The following SNTG2 variants were observed in gnomAD, a reference collection of about 807,000 sequenced individuals.
The protein encoded by SNTG2 is syntrophin gamma 2, also known as gamma-2-syntrophin.
In SNTG2, 74 loss-of-function variants were observed where a neutral mutation model predicts 70.9. The ratio of observed to expected loss-of-function variants is 1.04; its 90% CI spans 0.86 to 1.27. The LOEUF (loss-of-function observed/expected upper bound fraction) is 1.27. SNTG2 is among the 50% of genes most tolerant of loss of function. The pLI is 0.00. For synonymous variants in SNTG2, 278 were observed against 273.8 expected, an observed-to-expected ratio of 1.02 and a Z score of -0.15; for missense variants, 717 against 690.7, an observed-to-expected ratio of 1.04 and a Z score of -0.43.
intron 1 of SNTG2, among the ~76,000 whole-genome samples, chr2:1,057,212 G>A (rs1182818421): frequency 6.6e-6 from 1 of 152,080 alleles, no homozygotes. Flanking sequence ...AAAAGACTGT[G>A]TTAATATTTG....
intron 4 of SNTG2, among the ~76,000 whole-genome samples, chr2:1,137,413 C>A (rs577824154): frequency 6.6e-6 from 1 of 152,048 alleles, no homozygotes; most frequent in South Asian, 2.1e-4. Flanking sequence ...CCATGCATGC[C>A]ACCCACACCC....
At chr2:1,172,133 G>A (rs1314417673) in intron 7 of SNTG2, among the ~76,000 whole-genome samples, 1 of 152,186 alleles carries the variant, frequency 6.6e-6, no homozygotes, top group East Asian at 1.9e-4. Context: ...GCACCATGTG[G>A]TTGTGATGAT....
At chr2:1,021,160 A>G (rs1660149612) in intron 1 of SNTG2, among the ~76,000 whole-genome samples, 1 of 152,064 alleles carries the variant, frequency 6.6e-6, no homozygotes, top group African/African-American at 2.4e-5. Flanking sequence ...TCTTCCTCTC[A>G]CTTGCTTTCT....
At chr2:1,203,704 GTGTGTGTGTA>G (rs1673449002) in intron 8 of SNTG2, among the ~76,000 whole-genome samples, 1 of 150,248 alleles carries the variant, frequency 6.7e-6, no homozygotes, top group Non-Finnish European at 1.5e-5. Flanking sequence ...GTGTGTGTGT[GTGTGTGTGTA>G]TGTGTGTATA....
intron 11 of SNTG2, among the ~76,000 whole-genome samples, chr2:1,240,420 T>G (rs918403956): frequency 6.6e-6 from 1 of 152,252 alleles, no homozygotes; most frequent in Non-Finnish European, 1.5e-5. Flanking sequence ...CAAATCAGTT[T>G]TTAAGCCACT....
chr2:1,037,080 C>G (rs1014181286), intron 1 of SNTG2, among the ~76,000 whole-genome samples: 1 of 152,330 alleles, frequency 6.6e-6, no homozygotes, highest in Middle Eastern at 3.4e-3. Context: ...AAGTAGAAAC[C>G]CACCAAGTCT....
chr2:1,109,631 C>T (rs565792895), intron 4 of SNTG2, among the ~76,000 whole-genome samples: 10 of 152,278 alleles, frequency 6.6e-5, no homozygotes, highest in Non-Finnish European at 1.3e-4. Flanking sequence ...ATTTTTCCCT[C>T]GAAATCCAGT....
intron 1 of SNTG2, among the ~76,000 whole-genome samples, chr2:994,381 G>A (rs1377429379): frequency 6.6e-6 from 1 of 151,960 alleles, no homozygotes; most frequent in Non-Finnish European, 1.5e-5. Context: ...TTTTTATAAA[G>A]CTATGTTAAT....
rs117036364 is a variant in SNTG2, at chr2:1,114,155, G to T, written c.325+15745G>T. Among the ~76,000 whole-genome samples the T allele has an allele frequency of 3.3e-3, 366 of 109,732 alleles. 11 individuals are homozygous for T. In the East Asian group the frequency reaches 0.074, roughly 22 times the overall value. The allele number at this position is 109,732 out of a possible 152,430, so 72.0% of individuals were successfully genotyped here. On this transcript the variant is annotated intron_variant, in intron 4 of 16. Transcript: ENST00000308624. ...GTACTAAGTGAGGTTTAACCCTTAC[G>T]GTCCTTTGAGGAGGATCGTGTGTAA...
chr2:1,185,080 G>A (rs1378939091), intron 8 of SNTG2, among the ~76,000 whole-genome samples: 2 of 152,176 alleles, frequency 1.3e-5, no homozygotes, highest in South Asian at 2.1e-4. Flanking sequence ...TCAAACAAAA[G>A]GGCTGCAGGC....
chr2:1,133,832 A>G (rs1398184166), intron 4 of SNTG2, among the ~76,000 whole-genome samples: 2 of 152,314 alleles, frequency 1.3e-5, no homozygotes, highest in Admixed American at 6.5e-5. Context: ...CACTGAACCA[A>G]AATTGCTTAA....
intron 1 of SNTG2, among the ~76,000 whole-genome samples, chr2:1,007,568 G>A (rs1659609376): frequency 6.6e-6 from 1 of 152,142 alleles, no homozygotes; most frequent in African/African-American, 2.4e-5. Context: ...AGTAGACAAG[G>A]TGAGCAAGGA....
At chr2:1,223,069 T>C (rs1253951455) in intron 9 of SNTG2, among the ~76,000 whole-genome samples, 15 of 49,702 alleles carry the variant, frequency 3.0e-4, no homozygotes, top group East Asian at 1.8e-3. Flanking sequence ...ATGGAGGGCG[T>C]CTCCCTGTCC....
intron 7 of SNTG2, among the ~76,000 whole-genome samples, chr2:1,169,158 C>T (rs1434013834): frequency 1.3e-5 from 2 of 152,044 alleles, no homozygotes; most frequent in Non-Finnish European, 2.9e-5. Context: ...CATACAGGCT[C>T]ACGAAGGAAG....
intron 9 of SNTG2, among the ~76,000 whole-genome samples, chr2:1,212,473 C>T (rs538969238): frequency 3.3e-5 from 5 of 152,238 alleles, no homozygotes; most frequent in East Asian, 1.9e-4. Context: ...AGTGCAAGAA[C>T]GGACCAATAC....
intron 9 of SNTG2, among the ~76,000 whole-genome samples, chr2:1,227,979 C>A (rs1393083942): frequency 6.6e-6 from 1 of 152,156 alleles, no homozygotes; most frequent in South Asian, 2.1e-4. Context: ...GGGGATGAAG[C>A]CTCCCGCCTC....
intron 4 of SNTG2, among the ~76,000 whole-genome samples, chr2:1,113,965 A>G (rs1666725009): frequency 6.6e-6 from 1 of 151,418 alleles, no homozygotes; most frequent in Non-Finnish European, 1.5e-5. Context: ...TTTAACCCTT[A>G]CAGTCCTTTG....
At chr2:1,192,209 G>A (rs992651953) in intron 8 of SNTG2, among the ~76,000 whole-genome samples, 8 of 152,264 alleles carry the variant, frequency 5.3e-5, no homozygotes, top group African/African-American at 1.9e-4. Context: ...TTGGGAACGT[G>A]GTTTCCACAA....
intron 1 of SNTG2, among the ~76,000 whole-genome samples, chr2:1,067,769 G>A (rs963437441): frequency 6.6e-6 from 1 of 152,182 alleles, no homozygotes; most frequent in East Asian, 1.9e-4. Flanking sequence ...GAGAAACCAA[G>A]GCTGAGGAAA....
Sources: gnomAD v4.1 joint callset for allele counts (sites outside exome capture counted in the v4.1 genomes callset) on GRCh38, gnomAD v4.1.1 for gene constraint, MANE v1.5 for transcripts, NCBI Gene and HGNC (gene_info 2026-07-23, HGNC 2026-07-21) for gene names.